METAP1: variants seen among roughly 807,000 people sequenced by gnomAD.
METAP1 encodes the protein methionyl aminopeptidase 1.
METAP1 carries 28 observed loss-of-function variants against 53.8 expected under a neutral mutation model. The observed-to-expected ratio is 0.52, with a 90% CI of 0.39 to 0.71. The LOEUF (loss-of-function observed/expected upper bound fraction) is 0.71, where lower values mean the gene tolerates loss of function less well. Among genes scored for constraint, METAP1 ranks in the 30% least tolerant of loss-of-function variants. METAP1 has a pLI of 0.00. For missense variants in METAP1, 389 were observed against 479.8 expected (o/e 0.81, Z 1.77); for synonymous variants, 181 against 165.7 (o/e 1.09, Z -0.71).
intron 9 of METAP1, among the ~76,000 whole-genome samples, chr4:99,057,333 T>C (rs936256837): frequency 1.1e-4 from 17 of 152,376 alleles, no homozygotes; most frequent in Admixed American, 7.8e-4. Flanking sequence ...ATTTCTGGCA[T>C]AATCTGAAAC....
intron 8 of METAP1, among the ~76,000 whole-genome samples, chr4:99,047,455 A>T (rs1726352051): frequency 6.6e-6 from 1 of 151,944 alleles, no homozygotes; most frequent in African/African-American, 2.4e-5. Flanking sequence ...TCCCCCTCCC[A>T]CCCCAGGCTG....
chr4:98,998,764 A>G (rs781169526), intron 1 of METAP1, among the ~76,000 whole-genome samples: 4 of 152,002 alleles, frequency 2.6e-5, no homozygotes, highest in Non-Finnish European at 5.9e-5. Flanking sequence ...TTATTCCTTT[A>G]TGACCTTTTG....
At chr4:99,004,446 TACACACACAC>T (rs1189663861) in intron 1 of METAP1, among the ~76,000 whole-genome samples, 21,348 of 79,992 alleles carry the variant, frequency 0.27, 2,567 homozygotes, top group East Asian at 0.79. Flanking sequence ...TGTGGACAGA[TACACACACAC>T]ACACACACAC....
intron 4 of METAP1, chr4:99,036,211 C>T (rs2110350858): frequency 6.5e-6 from 1 of 152,772 alleles, no homozygotes; most frequent in East Asian, 1.9e-4. Flanking sequence ...TTTTATCTAG[C>T]AAGCTAAGCT....
At chr4:99,013,617 G>C (rs536403738) in intron 1 of METAP1, among the ~76,000 whole-genome samples, 3 of 152,186 alleles carry the variant, frequency 2.0e-5, no homozygotes, top group Non-Finnish European at 2.9e-5. Context: ...GCTGTGTCCC[G>C]TTCCCATTGG....
At chr4:98,997,704 T>C (rs1303253849) in intron 1 of METAP1, among the ~76,000 whole-genome samples, 1 of 152,180 alleles carries the variant, frequency 6.6e-6, no homozygotes, top group African/African-American at 2.4e-5. Context: ...GACAAATTTG[T>C]GAAAACAAAA....
chr4:99,048,889 C>T lies in METAP1; in HGVS notation c.931+13C>T. 6.2e-7 allele frequency: 1 copy of T among 1,611,668 alleles called. No homozygotes were observed. The highest frequency in any genetic ancestry group is 8.5e-7 in the Non-Finnish European group (1 of 1,178,934). On this transcript the variant is annotated intron_variant, in intron 9 of 10. Transcript: ENST00000296411. The stretch of plus-strand genomic sequence containing the variant: ...CCCCACTATGCTAGTAAGTACTATC[C>T]AGAGATTTGGTATAAGCTCACCATT...
chr4:99,047,458 C>G (rs1446941790), intron 8 of METAP1, among the ~76,000 whole-genome samples: 3 of 152,290 alleles, frequency 2.0e-5, no homozygotes, highest in East Asian at 3.9e-4. Context: ...CCCTCCCACC[C>G]CAGGCTGATA....
rs918484028 is a variant in METAP1 at position 99,061,888 on chromosome 4, C to T, written c.*571C>T. 6.6e-6 allele frequency: 1 copy of T among 152,220 alleles called. No homozygotes were observed. The highest frequency in any genetic ancestry group is 2.4e-5 in the African/African-American group (1 of 41,422). 9.4% of individuals were successfully genotyped at this position (152,220 alleles called of 1,614,324 possible). ...GATTTGGCCTCCCCTCTCCCCCATGCTAATTATTTACCCTTGTAATTGTGC... is the reference window on the plus strand; with the variant it reads ...GATTTGGCCTCCCCTCTCCCCCATGTTAATTATTTACCCTTGTAATTGTGC... On this transcript the variant is annotated 3_prime_UTR_variant, in exon 11 of 11. Coordinates refer to ENST00000296411, the MANE Select transcript of METAP1 (RefSeq NM_015143.3).
At chr4:99,046,660 C>A (rs185839641) in intron 8 of METAP1, among the ~76,000 whole-genome samples, 13 of 151,790 alleles carry the variant, frequency 8.6e-5, no homozygotes, top group Non-Finnish European at 1.6e-4. Flanking sequence ...GTTTTTAGTG[C>A]GTTCTTTAAT....
At chr4:99,038,608 A>G (rs1475202874) in intron 4 of METAP1, among the ~76,000 whole-genome samples, 3 of 152,030 alleles carry the variant, frequency 2.0e-5, no homozygotes, top group African/African-American at 7.2e-5. Flanking sequence ...CTTGTAAATA[A>G]GATTAGTTGA....
intron 1 of METAP1, among the ~76,000 whole-genome samples, chr4:98,999,607 T>C (rs1722825659): frequency 6.9e-6 from 1 of 145,700 alleles, no homozygotes. Flanking sequence ...GCCTCCCGGG[T>C]TCAAGCGATT....
chr4:99,016,378 C>G (rs1326096836), intron 1 of METAP1, among the ~76,000 whole-genome samples: 4 of 152,122 alleles, frequency 2.6e-5, no homozygotes, highest in Admixed American at 2.6e-4. Flanking sequence ...AGTTAGATGA[C>G]TTGTCTGATT....
chr4:99,024,409 C>T (rs1338954262), intron 1 of METAP1, among the ~76,000 whole-genome samples: 1 of 152,120 alleles, frequency 6.6e-6, no homozygotes, highest in Admixed American at 6.5e-5. Flanking sequence ...CTTCCTGCTA[C>T]AAGGGGATCA....
At chr4:99,011,611 T>C (rs1723471867) in intron 1 of METAP1, among the ~76,000 whole-genome samples, 1 of 152,222 alleles carries the variant, frequency 6.6e-6, no homozygotes, top group African/African-American at 2.4e-5. Flanking sequence ...CTTTAGTCTT[T>C]ATCTGGCTTT....
intron 8 of METAP1, among the ~76,000 whole-genome samples, chr4:99,047,678 A>T (rs1481325537): frequency 1.3e-5 from 2 of 152,216 alleles, no homozygotes; most frequent in Non-Finnish European, 2.9e-5. Context: ...TGGGAATCAG[A>T]TAGGCTGAGT....
chr4:99,006,636 C>T (rs1315759813), intron 1 of METAP1, among the ~76,000 whole-genome samples: 2 of 152,168 alleles, frequency 1.3e-5, no homozygotes, highest in Non-Finnish European at 2.9e-5. Context: ...CTGATTTCAT[C>T]TAATAGGCCA....
At position 99,043,271 on chromosome 4, in the gene METAP1, A is replaced by C; in HGVS notation, c.539A>C (p.Tyr180Ser). Residue 180 changes from tyrosine to serine, a missense_variant, in exon 7 of 11, where the codon TAC becomes TCC. By Grantham distance (144) the Tyr-to-Ser change is moderately radical. Coordinates refer to ENST00000296411, the MANE Select transcript of METAP1 (RefSeq NM_015143.3). Reference sequence around the variant, plus strand: ...TAGGCATGTATTGCAAGAAATTGCTACCCTTCTCCCCTGAATTATTATAAT... The same window carrying C: ...TAGGCATGTATTGCAAGAAATTGCTCCCCTTCTCCCCTGAATTATTATAAT... ...VHLACIARNC[Y>S]PSPLNYYNFP... The C allele has an allele frequency of 6.3e-7, 1 of 1,596,140 alleles. No homozygotes were observed. Among genetic ancestry groups the C allele is most frequent in the Non-Finnish European group, 8.6e-7 (1 of 1,167,842 alleles).
At chr4:99,011,920 A>G (rs1467591338) in intron 1 of METAP1, among the ~76,000 whole-genome samples, 1 of 152,248 alleles carries the variant, frequency 6.6e-6, no homozygotes, top group Non-Finnish European at 1.5e-5. Context: ...AGCCTGGGCA[A>G]CAAGAGTGAA....
Sources: gnomAD v4.1 joint callset for allele counts (sites outside exome capture counted in the v4.1 genomes callset) on GRCh38, gnomAD v4.1.1 for gene constraint, MANE v1.5 for transcripts, NCBI Gene and HGNC (gene_info 2026-07-23, HGNC 2026-07-21) for gene names.